Variants in CA8 observed in about 807,000 individuals in gnomAD.
CA8 encodes the protein carbonic anhydrase-related protein.
CA8 carries 22 observed loss-of-function variants against 41.4 expected under a neutral mutation model. The ratio of observed to expected loss-of-function variants is 0.53; its 90% CI spans 0.38 to 0.76. The LOEUF (loss-of-function observed/expected upper bound fraction) is 0.76, where lower values mean the gene tolerates loss of function less well. Among genes scored for constraint, CA8 ranks in the 30% least tolerant of loss-of-function variants. The probability of loss-of-function intolerance (pLI) is 0.00; values close to 1 mark genes in which losing one functional copy is unlikely to be tolerated. For missense variants in CA8, 270 were observed against 352.8 expected (o/e 0.77, Z 1.88); for synonymous variants, 121 against 130.6 (o/e 0.93, Z 0.50).
At chr8:60,242,428 G>T (rs1345837036) in intron 3 of CA8, among the ~76,000 whole-genome samples, 1 of 152,224 alleles carries the variant, frequency 6.6e-6, no homozygotes, top group Non-Finnish European at 1.5e-5. Context: ...TGGACACAGG[G>T]AGTATGGCTC....
intron 8 of CA8, among the ~76,000 whole-genome samples, chr8:60,202,276 C>T (rs1318250829): frequency 6.7e-6 from 1 of 149,426 alleles, no homozygotes; most frequent in Non-Finnish European, 1.5e-5. Context: ...ATGCTCTTAT[C>T]TCCTGACCTC....
intron 3 of CA8, among the ~76,000 whole-genome samples, chr8:60,254,476 G>C (rs2130559506): frequency 6.6e-6 from 1 of 152,284 alleles, no homozygotes; most frequent in South Asian, 2.1e-4. Flanking sequence ...TGGGAACACA[G>C]TTAAACAAAC....
At chr8:60,207,797 CCAG>C (rs1285501139) in intron 8 of CA8, among the ~76,000 whole-genome samples, 1 of 152,146 alleles carries the variant, frequency 6.6e-6, no homozygotes, top group African/African-American at 2.4e-5. Context: ...AATCTGTCAC[CCAG>C]GCTGGAGAAC....
At chr8:60,235,457 G>A (rs912875627) in intron 3 of CA8, among the ~76,000 whole-genome samples, 29 of 152,184 alleles carry the variant, frequency 1.9e-4, no homozygotes, top group Non-Finnish European at 3.5e-4. Context: ...GAATTTGGCA[G>A]GGACACAATT....
chr8:60,202,973 T>A (rs144827319), intron 8 of CA8, among the ~76,000 whole-genome samples: 22 of 152,150 alleles, frequency 1.4e-4, no homozygotes, highest in African/African-American at 5.3e-4. Context: ...ACATTTATAG[T>A]CTCGTGGAGT....
intron 3 of CA8, among the ~76,000 whole-genome samples, chr8:60,261,876 T>A (rs1466677692): frequency 6.6e-6 from 1 of 151,994 alleles, no homozygotes; most frequent in Non-Finnish European, 1.5e-5. Flanking sequence ...CACACCCGGC[T>A]AATTTTTGCA....
At chr8:60,265,498 T>A (rs930065985) in intron 3 of CA8, 12 of 160,068 alleles carry the variant, frequency 7.5e-5, no homozygotes, top group Non-Finnish European at 1.5e-4. Context: ...CCTCCCCAAG[T>A]GGCTTGGGGT....
intron 7 of CA8, among the ~76,000 whole-genome samples, chr8:60,210,687 T>C (rs1417919754): frequency 6.6e-6 from 1 of 152,128 alleles, no homozygotes; most frequent in Non-Finnish European, 1.5e-5. Context: ...TGAATACTGG[T>C]TGATTTCCCT....
rs548124014 is a variant in CA8, at chr8:60,194,477, A to G, written c.*36-4492T>C. Among the ~76,000 whole-genome samples the G allele has an allele frequency of 2.0e-5, 3 of 152,236 alleles. 1 individual carries two copies. In the South Asian group the frequency reaches 6.2e-4, roughly 32 times the overall value. On this transcript the variant is annotated intron_variant, in intron 8 of 8. Transcript: ENST00000317995. ...AGAGTAGGGGCCTTTCTGCCAGTGT[A>G]TGGGAGGATGACATGAGGTCTGAGG...
At chr8:60,222,949 T>C (rs1430115157) in intron 6 of CA8, among the ~76,000 whole-genome samples, 188 bp from the exon 7 acceptor site, 4 of 152,258 alleles carry the variant, frequency 2.6e-5, no homozygotes, top group Non-Finnish European at 4.4e-5. Context: ...AAAAGCATGA[T>C]GAATTCTCTA....
intron 3 of CA8, among the ~76,000 whole-genome samples, chr8:60,248,096 GT>G (rs530676757): frequency 5.8e-4 from 85 of 146,230 alleles, no homozygotes; most frequent in East Asian, 4.6e-3. Context: ...AGTTTTTGAT[GT>G]TTTTTTTTTT....
At chr8:60,199,536 GT>G (rs1014156867) in intron 8 of CA8, among the ~76,000 whole-genome samples, 12 of 152,296 alleles carry the variant, frequency 7.9e-5, no homozygotes, top group Non-Finnish European at 1.6e-4. Flanking sequence ...TTCTGAAGGG[GT>G]TTTAAGAAGC....
At chr8:60,244,023 A>G (rs1441618057) in intron 3 of CA8, among the ~76,000 whole-genome samples, 2 of 152,126 alleles carry the variant, frequency 1.3e-5, no homozygotes, top group African/African-American at 4.8e-5. Context: ...CTCCAGTGGG[A>G]TATTTTAAAG....
At chr8:60,232,691 T>A in intron 3 of CA8, 1 of 397,736 alleles carries the variant, frequency 2.5e-6, no homozygotes, top group Non-Finnish European at 4.8e-6. Context: ...GTCATCCTTT[T>A]GAATCTCCAT....
At chr8:60,212,229 A>G (rs1806860662) in intron 7 of CA8, among the ~76,000 whole-genome samples, 1 of 152,228 alleles carries the variant, frequency 6.6e-6, no homozygotes, top group Admixed American at 6.5e-5. Context: ...ATCCACTAAA[A>G]GTTCAGCTTT....
chr8:60,248,470 G>A (rs978880749), intron 3 of CA8, among the ~76,000 whole-genome samples: 4 of 152,102 alleles, frequency 2.6e-5, no homozygotes, highest in African/African-American at 9.7e-5. Context: ...TTCTGCACAT[G>A]GCTAGCCACT....
chr8:60,241,156 A>G (rs1173256666), intron 3 of CA8, among the ~76,000 whole-genome samples: 1 of 152,216 alleles, frequency 6.6e-6, no homozygotes, highest in Non-Finnish European at 1.5e-5. Context: ...TTAAGTCATC[A>G]CTGTCAATAT....
At chr8:60,252,129 T>TA (rs770439978) in intron 3 of CA8, among the ~76,000 whole-genome samples, 12 of 152,178 alleles carry the variant, frequency 7.9e-5, no homozygotes, top group East Asian at 5.8e-4. Context: ...TATAGAAAGT[T>TA]ATAAGAGCCC....
At chr8:60,273,301 G>A (rs1314319890) in intron 2 of CA8, among the ~76,000 whole-genome samples, 2 of 152,216 alleles carry the variant, frequency 1.3e-5, no homozygotes, top group Non-Finnish European at 2.9e-5. Flanking sequence ...GACAATGGCG[G>A]AGATCATAGA....
Sources: gnomAD v4.1 joint callset for allele counts (sites outside exome capture counted in the v4.1 genomes callset) on GRCh38, gnomAD v4.1.1 for gene constraint, MANE v1.5 for transcripts, NCBI Gene and HGNC (gene_info 2026-07-23, HGNC 2026-07-21) for gene names.